CFAP77: variants seen among roughly 807,000 people sequenced by gnomAD.
CFAP77 encodes the protein cilia and flagella associated protein 77.
A neutral mutation model predicts 31.1 loss-of-function variants in CFAP77; 25 were observed. The ratio of observed to expected loss-of-function variants is 0.80; its 90% CI spans 0.59 to 1.12. The LOEUF is 1.12. CFAP77 is among the 50% of genes most tolerant of loss of function. CFAP77 has a pLI of 0.00. For missense variants in CFAP77, 377 were observed against 397.3 expected (o/e 0.95, Z 0.44); for synonymous variants, 151 against 159.9 (o/e 0.94, Z 0.42).
Position 132,554,524 on chromosome 9 carries a change from A to ATGGGG in CFAP77, c.732+11479_732+11483dup, listed in dbSNP as rs551501221. On this transcript the variant is annotated intron_variant, in intron 5 of 5. Coordinates refer to ENST00000393216, the MANE Select transcript of CFAP77 (RefSeq NM_001282957.2). This position sits in a 1 kb window ranked among gnomAD's most constrained non-coding sequence, Gnocchi z 4.1. ...CTAATTTTTTTTATGTTTTGTAGAGATGGGGTTTTACCATATTGCCTAGGC... is the reference window on the plus strand; with the variant it reads ...CTAATTTTTTTTATGTTTTGTAGAGATGGGGTGGGGTTTTACCATATTGCCTAGGC... Among the ~76,000 whole-genome samples, 175 of 151,916 alleles carry ATGGGG rather than the reference A, an allele frequency of 1.2e-3. 1 individual carries two copies. Among genetic ancestry groups the ATGGGG allele is most frequent in the African/African-American group, 4.2e-3 (173 of 41,402 alleles).
chr9:132,414,838 T>G (rs944870182), intron 1 of CFAP77, among the ~76,000 whole-genome samples: 6 of 152,198 alleles, frequency 3.9e-5, no homozygotes, highest in African/African-American at 1.4e-4. Context: ...GAAGCGTTTA[T>G]TTAGAGCCAG....
At chr9:132,491,616 A>G (rs754225242) in intron 1 of CFAP77, among the ~76,000 whole-genome samples, 1 of 152,220 alleles carries the variant, frequency 6.6e-6, no homozygotes, top group Non-Finnish European at 1.5e-5. Context: ...TTGGCTTTGC[A>G]AACATTTATT....
chr9:132,471,450 C>A (rs932523494), intron 1 of CFAP77, among the ~76,000 whole-genome samples: 3 of 151,994 alleles, frequency 2.0e-5, no homozygotes, highest in Admixed American at 1.3e-4. Flanking sequence ...AGGACCCCCC[C>A]CCACCGTTGC....
At chr9:132,474,522 T>G (rs1279025140) in intron 1 of CFAP77, among the ~76,000 whole-genome samples, 1 of 152,112 alleles carries the variant, frequency 6.6e-6, no homozygotes, top group Non-Finnish European at 1.5e-5. Flanking sequence ...GTTGGAATGT[T>G]CCAAGACCTT....
chr9:132,549,676 A>G (rs1852793746), intron 5 of CFAP77, among the ~76,000 whole-genome samples: 1 of 152,134 alleles, frequency 6.6e-6, no homozygotes, highest in Non-Finnish European at 1.5e-5. Context: ...TGTTTCTACT[A>G]AAAATGCAAA....
rs768779944 is a variant in CFAP77 at position 132,511,455 on chromosome 9, C to T, written c.524+11855C>T. On this transcript the variant is annotated intron_variant, in intron 3 of 5. Coordinates refer to ENST00000393216, the MANE Select transcript of CFAP77 (RefSeq NM_001282957.2). The surrounding 1 kb of genome is among the most constrained non-coding windows in gnomAD (Gnocchi z 5.8). ...ATCTCCCCCACCAGACTCAGTGGGG[C>T]GGGCCTGGTGTTGCCCACTCCTCCT... 2.0e-5 allele frequency among the ~76,000 whole-genome samples: 3 copies of T among 152,346 alleles called. No individual in the cohort carries two copies. The highest frequency in any genetic ancestry group is 6.5e-5 in the Admixed American group (1 of 15,310).
At chr9:132,438,574 T>G (rs1850557125) in intron 1 of CFAP77, among the ~76,000 whole-genome samples, 2 of 143,656 alleles carry the variant, frequency 1.4e-5, no homozygotes, top group Admixed American at 1.4e-4. Context: ...GGGTCTCAAG[T>G]CATCCAGGCT....
intron 1 of CFAP77, among the ~76,000 whole-genome samples, chr9:132,441,056 CT>C (rs1189748773): frequency 6.6e-6 from 1 of 152,172 alleles, no homozygotes; most frequent in Non-Finnish European, 1.5e-5. Flanking sequence ...CTCTTACTCT[CT>C]TTTCCTCCTT....
chr9:132,555,346 G>T (rs1210398134), intron 5 of CFAP77, among the ~76,000 whole-genome samples: 3 of 152,164 alleles, frequency 2.0e-5, no homozygotes, highest in Non-Finnish European at 4.4e-5. Flanking sequence ...CCGATGGGCC[G>T]AGGACACCAA....
chr9:132,478,452 C>T (rs1305725165), intron 1 of CFAP77, among the ~76,000 whole-genome samples: 1 of 152,202 alleles, frequency 6.6e-6, no homozygotes, highest in Non-Finnish European at 1.5e-5. Context: ...AGAGGCTGTA[C>T]TCGCCGAGAA....
intron 3 of CFAP77, among the ~76,000 whole-genome samples, chr9:132,523,268 T>C (rs1852301421): frequency 1.3e-5 from 2 of 152,088 alleles, no homozygotes; most frequent in South Asian, 2.1e-4. Flanking sequence ...TTGTATTTTT[T>C]AGTAGAGACA....
intron 1 of CFAP77, among the ~76,000 whole-genome samples, chr9:132,462,631 TG>T (rs1338877662): frequency 6.6e-6 from 1 of 152,046 alleles, no homozygotes; most frequent in Non-Finnish European, 1.5e-5. Context: ...CTGGCTAACG[TG>T]GTAAAACCCC....
At chr9:132,433,181 C>T (rs1388365921) in intron 1 of CFAP77, among the ~76,000 whole-genome samples, 15 of 152,150 alleles carry the variant, frequency 9.9e-5, no homozygotes, top group Non-Finnish European at 4.4e-5. Flanking sequence ...TGAGGGCTGA[C>T]AATAGCACCT....
intron 3 of CFAP77, among the ~76,000 whole-genome samples, chr9:132,537,344 A>G (rs948446690): frequency 6.6e-6 from 1 of 152,086 alleles, no homozygotes; most frequent in Non-Finnish European, 1.5e-5. Flanking sequence ...TCCTAGTGAG[A>G]AAGAGCTCAG....
At chr9:132,453,363 A>C (rs1463968204) in intron 1 of CFAP77, among the ~76,000 whole-genome samples, 1 of 149,256 alleles carries the variant, frequency 6.7e-6, no homozygotes, top group Non-Finnish European at 1.5e-5. Flanking sequence ...CGTCTCTGCT[A>C]AAATACAAAA....
intron 1 of CFAP77, among the ~76,000 whole-genome samples, chr9:132,437,362 G>A (rs547786968): frequency 1.3e-5 from 2 of 152,144 alleles, no homozygotes; most frequent in Admixed American, 6.6e-5. Context: ...ACAGAAAGAC[G>A]GCCAGTATTA....
chr9:132,551,835 C>T (rs987312663), intron 5 of CFAP77, among the ~76,000 whole-genome samples: 4 of 152,254 alleles, frequency 2.6e-5, no homozygotes, highest in African/African-American at 4.8e-5. Context: ...CAACTGAGGT[C>T]GGGGGCCAGT....
chr9:132,436,378 A>C (rs1850504080), intron 1 of CFAP77, among the ~76,000 whole-genome samples: 1 of 152,184 alleles, frequency 6.6e-6, no homozygotes, highest in African/African-American at 2.4e-5. Flanking sequence ...AGGATCATCC[A>C]GGATGATCTC....
At chr9:132,559,462 A>T (rs927354232) in intron 5 of CFAP77, among the ~76,000 whole-genome samples, 3 of 152,058 alleles carry the variant, frequency 2.0e-5, no homozygotes. Context: ...CGGAAACACA[A>T]ATCAAAATCA....
Sources: allele counts gnomAD v4.1 joint callset (sites outside exome capture counted in the v4.1 genomes callset), GRCh38; gene constraint gnomAD v4.1.1; non-coding constraint Gnocchi (gnomAD v3.1); transcripts MANE v1.5; gene names NCBI Gene and HGNC (gene_info 2026-07-23, HGNC 2026-07-21).